THRB: variants seen among roughly 807,000 people sequenced by gnomAD.
The protein encoded by THRB is thyroid hormone receptor beta, also known as nuclear receptor subfamily 1 group A member 2.
In THRB, 12 loss-of-function variants were observed where a neutral mutation model predicts 47.8. That is an observed-to-expected ratio of 0.25 (90% confidence interval 0.16 to 0.41). THRB has a LOEUF of 0.41. Ranked by LOEUF, THRB falls within the 10% of genes least tolerant of loss-of-function variation. THRB has a pLI of 1.00. For missense variants in THRB, 348 were observed against 589.2 expected (o/e 0.59, Z 4.24); for synonymous variants, 218 against 212.2 (o/e 1.03, Z -0.24).
chr3:24,397,441 G>GT (rs1280555549), intron 1 of THRB, among the ~76,000 whole-genome samples: 2 of 151,946 alleles, frequency 1.3e-5, no homozygotes, highest in Admixed American at 1.3e-4. Flanking sequence ...CCTAAAAAAC[G>GT]TTTTTTCCGT....
chr3:24,123,138 G>T lies in THRB; in HGVS notation c.1145-13C>A, dbSNP rs1156566834. The stretch of plus-strand genomic sequence containing the variant: ...AGCCCCGGGCGATCTGCGGGGAAGA[G>T]AGAAGATGGACATTGATTCAGAGAT... On this transcript the variant is annotated splice_polypyrimidine_tract_variant and intron_variant, in intron 10 of 10. Transcript: ENST00000646209. 4.3e-6 allele frequency: 7 copies of T among 1,613,890 alleles called. No individual in the cohort carries two copies. The Admixed American group carries it at 1.0e-4, about 23-fold the overall frequency.
At chr3:24,426,826 C>G (rs1458383055) in intron 1 of THRB, among the ~76,000 whole-genome samples, 3 of 151,884 alleles carry the variant, frequency 2.0e-5, no homozygotes, top group Non-Finnish European at 2.9e-5. Flanking sequence ...ACTTTTATCC[C>G]CATGATTTAC....
chr3:24,407,626 T>G (rs1324241086), intron 1 of THRB, among the ~76,000 whole-genome samples: 1 of 151,880 alleles, frequency 6.6e-6, no homozygotes, highest in Non-Finnish European at 1.5e-5. Context: ...CCTATTCATA[T>G]GAATCTAGAC....
chr3:24,209,563 A>G (rs910258696), intron 4 of THRB, among the ~76,000 whole-genome samples: 23 of 152,224 alleles, frequency 1.5e-4, no homozygotes, highest in African/African-American at 5.5e-4. Context: ...TTCTCAGCAA[A>G]CTATCACAAA....
At chr3:24,249,468 A>G (rs944298575) in intron 3 of THRB, among the ~76,000 whole-genome samples, 6 of 152,276 alleles carry the variant, frequency 3.9e-5, no homozygotes, top group East Asian at 3.9e-4. Flanking sequence ...TCTTAGAGCG[A>G]TATAACCTTG....
intron 1 of THRB, among the ~76,000 whole-genome samples, chr3:24,353,423 G>A (rs2063484519): frequency 6.6e-6 from 1 of 152,050 alleles, no homozygotes; most frequent in Non-Finnish European, 1.5e-5. Context: ...AGGAAATGAA[G>A]GTCGCACAAA....
At chr3:24,390,178 G>T (rs2066453201) in intron 1 of THRB, among the ~76,000 whole-genome samples, 1 of 152,142 alleles carries the variant, frequency 6.6e-6, no homozygotes, top group Admixed American at 6.5e-5. Context: ...TCATTGATCA[G>T]CTACTAGGTG....
chr3:24,480,986 C>T (rs746999663), intron 1 of THRB, among the ~76,000 whole-genome samples: 2 of 152,154 alleles, frequency 1.3e-5, no homozygotes, highest in Admixed American at 6.5e-5. Flanking sequence ...GAAATTTGAA[C>T]CTGTCACCTA....
At chr3:24,150,898 G>A (rs967105538) in intron 6 of THRB, among the ~76,000 whole-genome samples, 2 of 152,286 alleles carry the variant, frequency 1.3e-5, no homozygotes, top group South Asian at 2.1e-4. Flanking sequence ...CTTTTGGAAT[G>A]AGAGTAGGTA....
chr3:24,265,972 A>G (rs907266103), intron 3 of THRB, among the ~76,000 whole-genome samples: 1 of 152,222 alleles, frequency 6.6e-6, no homozygotes, highest in Non-Finnish European at 1.5e-5. Context: ...TTTCTTTATA[A>G]TACTTTTTTG....
intron 3 of THRB, among the ~76,000 whole-genome samples, chr3:24,259,511 C>T (rs1252270881): frequency 6.6e-6 from 1 of 151,274 alleles, no homozygotes; most frequent in Non-Finnish European, 1.5e-5. Context: ...TGGGAGCATA[C>T]GTTTTGAAGG....
At chr3:24,372,035 G>A (rs1190009128) in intron 1 of THRB, among the ~76,000 whole-genome samples, 1 of 152,030 alleles carries the variant, frequency 6.6e-6, no homozygotes, top group African/African-American at 2.4e-5. Flanking sequence ...AGTGGCATCT[G>A]TTTTGCTTTG....
chr3:24,258,303 T>G (rs2051540755), intron 3 of THRB, among the ~76,000 whole-genome samples: 1 of 152,138 alleles, frequency 6.6e-6, no homozygotes, highest in Non-Finnish European at 1.5e-5. Context: ...AAGGGTCTGC[T>G]GCTTGATTCA....
At chr3:24,139,978 A>G (rs1575352647) in intron 8 of THRB, among the ~76,000 whole-genome samples, 1 of 152,364 alleles carries the variant, frequency 6.6e-6, no homozygotes, top group Non-Finnish European at 1.5e-5. Flanking sequence ...GTTAGCACAC[A>G]GGAGAGGCAA....
intron 1 of THRB, among the ~76,000 whole-genome samples, chr3:24,448,510 C>T (rs1040664392): frequency 8.5e-5 from 13 of 152,254 alleles, no homozygotes; most frequent in African/African-American, 3.1e-4. Context: ...CACAGATAAG[C>T]AGGCCTTGTC....
chr3:24,181,477 C>T (rs1343825279), intron 5 of THRB, among the ~76,000 whole-genome samples: 1 of 152,232 alleles, frequency 6.6e-6, no homozygotes, highest in Admixed American at 6.5e-5. Flanking sequence ...TACGATGCAG[C>T]AGGCCAGCTG....
At chr3:24,310,797 A>G (rs2057704746) in intron 2 of THRB, among the ~76,000 whole-genome samples, 1 of 152,158 alleles carries the variant, frequency 6.6e-6, no homozygotes, top group Non-Finnish European at 1.5e-5. Context: ...ATACCCTACA[A>G]TGCACAGGAC....
intron 4 of THRB, among the ~76,000 whole-genome samples, chr3:24,220,130 C>A (rs150202492): frequency 2.3e-4 from 35 of 152,272 alleles, no homozygotes; most frequent in Non-Finnish European, 4.9e-4. Flanking sequence ...AATGCTGAGT[C>A]TTGGGCCCCC....
chr3:24,453,777 A>G (rs2072904507), intron 1 of THRB, among the ~76,000 whole-genome samples: 1 of 151,862 alleles, frequency 6.6e-6, no homozygotes, highest in African/African-American at 2.4e-5. Flanking sequence ...ACCCTTCTCT[A>G]CCTTACCATC....
Sources: allele counts gnomAD v4.1 joint callset (sites outside exome capture counted in the v4.1 genomes callset), GRCh38; gene constraint gnomAD v4.1.1; transcripts MANE v1.5; gene names NCBI Gene and HGNC (gene_info 2026-07-23, HGNC 2026-07-21).